TG: variants seen among roughly 807,000 people sequenced by gnomAD.
The protein encoded by TG is thyroid hormones.
TG carries 270 observed loss-of-function variants against 324.7 expected under a neutral mutation model. The observed-to-expected ratio is 0.83, with a 90% CI of 0.75 to 0.92. The LOEUF is 0.92. Ranked by LOEUF, TG falls within the 40% of genes least tolerant of loss-of-function variation. The pLI, the probability that TG is intolerant of heterozygous loss-of-function variation, is 0.00. For synonymous variants in TG, 1,401 were observed against 1,327.0 expected, an observed-to-expected ratio of 1.06 and a Z score of -1.21; for missense variants, 3,591 against 3,456.4, an observed-to-expected ratio of 1.04 and a Z score of -0.98.
chr8:132,878,521 C>T (rs1302711077), intron 5 of TG, among the ~76,000 whole-genome samples: 1 of 150,120 alleles, frequency 6.7e-6, no homozygotes, highest in African/African-American at 2.5e-5. Context: ...GAGGCTGAGG[C>T]AGGAGAATCA....
At chr8:132,874,884 G>A (rs573282976) in intron 5 of TG, among the ~76,000 whole-genome samples, 10 of 152,272 alleles carry the variant, frequency 6.6e-5, no homozygotes, top group Admixed American at 5.2e-4. Context: ...TTAGACCAAG[G>A]ACACGCCCTT....
rs370788717 is a variant in TG at position 132,883,005 on chromosome 8, T to A, written c.1075+6T>A. ...AGGGGAGCCGCCATCTTGTGGTGGG[T>A]TTCCTCTGGGGGCTTCCTCTTTCGG... On this transcript the variant is annotated splice_donor_region_variant and intron_variant, in intron 8 of 47. Coordinates refer to ENST00000220616, the MANE Select transcript of TG (RefSeq NM_003235.5). The A allele has an allele frequency of 2.5e-6, 4 of 1,613,330 alleles. No homozygotes were observed. The African/African-American group carries it at 5.3e-5, about 22-fold the overall frequency.
intron 13 of TG, 84 bp from the exon 14 acceptor site, chr8:132,898,714 C>A (rs1251763907): frequency 2.6e-6 from 3 of 1,173,742 alleles, no homozygotes; most frequent in South Asian, 1.2e-5. Flanking sequence ...GGCTCATGAC[C>A]CTTAAAGGTG....
intron 23 of TG, among the ~76,000 whole-genome samples, chr8:132,929,609 GAA>G (rs1822396428): frequency 8.2e-6 from 1 of 121,900 alleles, no homozygotes; most frequent in Non-Finnish European, 2.0e-5. Context: ...CTGAGTTACA[GAA>G]GACAAAAATA....
At chr8:132,972,875 C>A in intron 34 of TG, 134 bp downstream of exon 34, 1 of 1,196,076 alleles carries the variant, frequency 8.4e-7, no homozygotes, top group Non-Finnish European at 1.2e-6. Context: ...GAAATAGATT[C>A]TGTTTAACTT....
Position 132,913,287 on chromosome 8 carries a change from A to G in TG, c.4378+22A>G, listed in dbSNP as rs577773976. 1.1e-5 allele frequency: 18 copies of G among 1,611,278 alleles called. 1 individual carries two copies. Among genetic ancestry groups the G allele is most frequent in the Middle Eastern group, 3.7e-4 (2 of 5,440 alleles). Reference sequence around the variant, plus strand: ...TGCGGTAGGTCCACTCTCTCCCTGGATATCTCCTGTGGAGCCATGTGAGGC... The same window carrying G: ...TGCGGTAGGTCCACTCTCTCCCTGGGTATCTCCTGTGGAGCCATGTGAGGC... On this transcript the variant is annotated intron_variant, in intron 20 of 47. Transcript: ENST00000220616.
chr8:132,965,305 G>A (rs1350479869), intron 29 of TG, among the ~76,000 whole-genome samples: 1 of 152,154 alleles, frequency 6.6e-6, no homozygotes, highest in Admixed American at 6.5e-5. Flanking sequence ...CTAAACTTCT[G>A]ACCTTTCCAA....
intron 45 of TG, among the ~76,000 whole-genome samples, chr8:133,131,026 C>G (rs535537353): frequency 1.3e-5 from 2 of 152,174 alleles, no homozygotes; most frequent in African/African-American, 2.4e-5. Flanking sequence ...TCAACAAGAC[C>G]GGCAGTGGGG....
intron 35 of TG, 94 bp from the exon 36 acceptor site, chr8:133,011,807 A>C: frequency 3.2e-6 from 5 of 1,540,396 alleles, no homozygotes; most frequent in Non-Finnish European, 4.5e-6. Context: ...GGATGCCCCT[A>C]AGGCTGCCTT....
At chr8:132,953,387 T>G (rs1390507336) in intron 27 of TG, among the ~76,000 whole-genome samples, 1 of 152,128 alleles carries the variant, frequency 6.6e-6, no homozygotes, top group Non-Finnish European at 1.5e-5. Flanking sequence ...CTTCTGTTCT[T>G]AAGGAGCTCA....
chr8:132,948,456 G>A (rs1252338816), intron 26 of TG, among the ~76,000 whole-genome samples: 1 of 152,098 alleles, frequency 6.6e-6, no homozygotes. Context: ...TGGTGACTGA[G>A]GATTCTGGCA....
At chr8:133,107,272 G>A (rs916978361) in intron 43 of TG, among the ~76,000 whole-genome samples, 3 of 152,100 alleles carry the variant, frequency 2.0e-5, no homozygotes, top group Non-Finnish European at 4.4e-5. Flanking sequence ...TCAATCCACT[G>A]GGCCCCAAGA....
intron 41 of TG, among the ~76,000 whole-genome samples, chr8:133,094,179 A>G (rs1423541700): frequency 6.6e-6 from 1 of 151,872 alleles, no homozygotes; most frequent in Non-Finnish European, 1.5e-5. Context: ...CCGGGCAGAG[A>G]TGAACTTCCT....
At chr8:133,026,710 A>C (rs949951250) in intron 40 of TG, among the ~76,000 whole-genome samples, 1 of 152,070 alleles carries the variant, frequency 6.6e-6, no homozygotes, top group Non-Finnish European at 1.5e-5. Flanking sequence ...CCATGACCTC[A>C]TTGTCTCTGG....
intron 5 of TG, among the ~76,000 whole-genome samples, chr8:132,874,283 T>C (rs529688680): frequency 6.6e-6 from 1 of 152,196 alleles, no homozygotes; most frequent in East Asian, 1.9e-4. Flanking sequence ...TTGTGAATTT[T>C]TGTAAACTGT....
chr8:132,928,559 G>A (rs1032377585), intron 22 of TG, among the ~76,000 whole-genome samples: 1 of 152,164 alleles, frequency 6.6e-6, no homozygotes, highest in Admixed American at 6.5e-5. Flanking sequence ...TGTGTTGATG[G>A]TAGCTAGGAA....
At chr8:132,867,706 G>T (rs1351576530) in intron 1 of TG, among the ~76,000 whole-genome samples, 2 of 148,310 alleles carry the variant, frequency 1.3e-5, no homozygotes, top group Admixed American at 6.8e-5. Context: ...GCAGGGCATG[G>T]CTTGATAGAT....
At chr8:133,082,416 T>C (rs12541260) in intron 41 of TG, among the ~76,000 whole-genome samples, 39,035 of 152,076 alleles carry the variant, frequency 0.26, 5,326 homozygotes, top group African/African-American at 0.31. Context: ...CTTTCCCTCC[T>C]TGTAGATTGC....
chr8:133,007,543 AT>A (rs910281501), intron 35 of TG, among the ~76,000 whole-genome samples: 20 of 152,220 alleles, frequency 1.3e-4, no homozygotes, highest in African/African-American at 4.6e-4. Flanking sequence ...TATTAGCTTC[AT>A]TTTTGGAGAA....
Sources: allele counts gnomAD v4.1 joint callset (sites outside exome capture counted in the v4.1 genomes callset), GRCh38; gene constraint gnomAD v4.1.1; transcripts MANE v1.5; gene names NCBI Gene and HGNC (gene_info 2026-07-23, HGNC 2026-07-21).